The following CD96 variants were observed in gnomAD, a reference collection of about 807,000 sequenced individuals.
The protein encoded by CD96 is CD96 molecule.
Under a neutral mutation model 71.3 loss-of-function variants are expected in CD96, and 70 were observed. The ratio of observed to expected loss-of-function variants is 0.98; its 90% CI spans 0.81 to 1.20. The LOEUF (loss-of-function observed/expected upper bound fraction) is 1.20, where lower values mean the gene tolerates loss of function less well. Among genes scored for constraint, CD96 ranks in the 50% most tolerant of loss-of-function variants. CD96 has a pLI of 0.00. For synonymous variants in CD96, 248 were observed against 233.0 expected, an observed-to-expected ratio of 1.06 and a Z score of -0.59; for missense variants, 742 against 677.5, an observed-to-expected ratio of 1.10 and a Z score of -1.06.
chr3:111,619,155 C>T (rs1382972960), intron 8 of CD96, among the ~76,000 whole-genome samples: 1 of 152,066 alleles, frequency 6.6e-6, no homozygotes, highest in African/African-American at 2.4e-5. Context: ...TGGAGATGAC[C>T]AGAATTAGCT....
At chr3:111,559,011 T>C (rs934990856) in intron 2 of CD96, among the ~76,000 whole-genome samples, 6 of 152,220 alleles carry the variant, frequency 3.9e-5, no homozygotes, top group East Asian at 1.9e-4. Flanking sequence ...GTTTGTAGTA[T>C]TCTCTGATGG....
At chr3:111,660,425 A>T (rs186767767) in intron 14 of CD96, among the ~76,000 whole-genome samples, 436 of 152,384 alleles carry the variant, frequency 2.9e-3, no homozygotes, top group Non-Finnish European at 4.9e-3. Context: ...AATATTTTTT[A>T]AATGGCCATA....
At chr3:111,575,119 G>C (rs1283744533) in intron 3 of CD96, among the ~76,000 whole-genome samples, 1 of 152,094 alleles carries the variant, frequency 6.6e-6, no homozygotes, top group Non-Finnish European at 1.5e-5. Flanking sequence ...AGTAGGAAAG[G>C]CTAAGACTGT....
chr3:111,551,839 G>A (rs1934723269), intron 2 of CD96, among the ~76,000 whole-genome samples: 1 of 152,068 alleles, frequency 6.6e-6, no homozygotes, highest in Non-Finnish European at 1.5e-5. Flanking sequence ...GGGTCAAATG[G>A]TATTTCTGCC....
intron 7 of CD96, among the ~76,000 whole-genome samples, chr3:111,602,933 G>C (rs1264984154): frequency 6.6e-6 from 1 of 152,170 alleles, no homozygotes; most frequent in Non-Finnish European, 1.5e-5. Flanking sequence ...GGGTATTAAT[G>C]TTGGAGACTG....
chr3:111,636,452 A>G (rs1170585458), intron 10 of CD96, among the ~76,000 whole-genome samples: 1 of 152,244 alleles, frequency 6.6e-6, no homozygotes, highest in African/African-American at 2.4e-5. Context: ...ACAACCGTGT[A>G]TTACTATAGT....
At position 111,632,863 on chromosome 3, in the gene CD96, G is replaced by T. The variant is rs148076302; in HGVS notation, c.1322-4333G>T. Among the ~76,000 whole-genome samples the T allele has an allele frequency of 7.2e-5, 11 of 152,306 alleles. No homozygotes were observed. The East Asian group carries it at 1.9e-3, about 27-fold the overall frequency. On this transcript the variant is annotated intron_variant, in intron 10 of 13. Transcript: ENST00000352690. ...AATCTGTTATTTTCAGCAAACTAAT[G>T]CAGGAATAAAAAGCCAAACACCACA...
chr3:111,641,869 G>A (rs969588402), intron 12 of CD96, among the ~76,000 whole-genome samples: 10 of 152,136 alleles, frequency 6.6e-5, no homozygotes, highest in Admixed American at 5.2e-4. Flanking sequence ...GCAAATACAC[G>A]AAAATTAAAT....
chr3:111,661,758 G>C (rs139732010), intron 14 of CD96, among the ~76,000 whole-genome samples: 3 of 152,372 alleles, frequency 2.0e-5, no homozygotes, highest in Non-Finnish European at 2.9e-5. Context: ...ATTCTGCTGA[G>C]TACAGTCCTC....
At chr3:111,604,517 G>A (rs1419377147) in intron 7 of CD96, among the ~76,000 whole-genome samples, 1 of 152,108 alleles carries the variant, frequency 6.6e-6, no homozygotes, top group African/African-American at 2.4e-5. Flanking sequence ...CACATTTTAT[G>A]TGGAAAGCTA....
At position 111,605,618 on chromosome 3, in the gene CD96, C is replaced by T. The variant is rs17281311; in HGVS notation, c.1088-1082C>T. ...CCTCCACCTCCTCAGAGATTATTTG[C>T]ACAAAAGCATTCATATAGTAGTGGA... On this transcript the variant is annotated intron_variant, in intron 7 of 13. Coordinates refer to ENST00000352690, the MANE Select transcript of CD96 (RefSeq NM_005816.5). Among the ~76,000 whole-genome samples the T allele has an allele frequency of 1.6e-3, 242 of 152,180 alleles. 1 individual carries two copies. Among genetic ancestry groups the T allele is most frequent in the African/African-American group, 5.0e-3 (208 of 41,542 alleles).
chr3:111,622,440 C>T (rs749600034), intron 8 of CD96, among the ~76,000 whole-genome samples: 2 of 152,172 alleles, frequency 1.3e-5, no homozygotes. Flanking sequence ...CATGAAGCCA[C>T]GGTGTGTAAG....
intron 3 of CD96, among the ~76,000 whole-genome samples, chr3:111,569,578 G>T (rs897414496): frequency 2.0e-5 from 3 of 152,222 alleles, no homozygotes; most frequent in Non-Finnish European, 4.4e-5. Flanking sequence ...CAACAGAGCA[G>T]AAAGTTCCTA....
At chr3:111,594,507 G>GGGTTCTCT (rs1937162824) in intron 5 of CD96, 1 of 300,612 alleles carries the variant, frequency 3.3e-6, no homozygotes, top group African/African-American at 2.2e-5. Flanking sequence ...TGTAGCAAAG[G>GGGTTCTCT]GGTTCTCTGG....
At chr3:111,662,368 C>G (rs778743671) in intron 14 of CD96, among the ~76,000 whole-genome samples, 1 of 152,216 alleles carries the variant, frequency 6.6e-6, no homozygotes, top group Non-Finnish European at 1.5e-5. Flanking sequence ...ACATTCAGCT[C>G]TTCTTTACTT....
chr3:111,639,914 A>G (rs529327246), intron 12 of CD96, among the ~76,000 whole-genome samples: 1 of 152,308 alleles, frequency 6.6e-6, no homozygotes, highest in Non-Finnish European at 1.5e-5. Flanking sequence ...AGGAAGCCAC[A>G]TCCATAGGAA....
chr3:111,605,245 A>G (rs996874627), intron 7 of CD96, among the ~76,000 whole-genome samples: 7 of 152,218 alleles, frequency 4.6e-5, no homozygotes, highest in Admixed American at 1.3e-4. Context: ...GTAAACACTG[A>G]GGGGTGATCA....
intron 1 of CD96, among the ~76,000 whole-genome samples, chr3:111,544,110 A>G (rs778442692): frequency 2.6e-5 from 4 of 152,106 alleles, no homozygotes; most frequent in Non-Finnish European, 4.4e-5. Flanking sequence ...AACTGAATTC[A>G]TTCTTTTACT....
At chr3:111,543,003 C>A (rs1336348345) in intron 1 of CD96, among the ~76,000 whole-genome samples, 1 of 152,116 alleles carries the variant, frequency 6.6e-6, no homozygotes, top group Non-Finnish European at 1.5e-5. Flanking sequence ...AGGAGAATTT[C>A]TAAATCAAAA....
Sources: gnomAD v4.1 joint callset for allele counts (sites outside exome capture counted in the v4.1 genomes callset) on GRCh38, gnomAD v4.1.1 for gene constraint, MANE v1.5 for transcripts, NCBI Gene and HGNC (gene_info 2026-07-23, HGNC 2026-07-21) for gene names.